The following QTMAN variants were observed in gnomAD, a reference collection of about 807,000 sequenced individuals.
QTMAN encodes the protein tRNA-queuosine alpha-mannosyltransferase.
chr2:144,283,627 G>T, the QTMAN span, among the ~76,000 whole-genome samples: 2 of 152,068 alleles, frequency 1.3e-5, no homozygotes, highest in Admixed American at 6.5e-5. Flanking sequence ...TTGCCAGTGA[G>T]AAGAATTTCA....
At chr2:144,329,444 T>A in the QTMAN span, among the ~76,000 whole-genome samples, 2 of 152,346 alleles carry the variant, frequency 1.3e-5, no homozygotes, top group African/African-American at 4.8e-5. Flanking sequence ...AAAGTTACGT[T>A]CCTTATAAAG....
the QTMAN span, among the ~76,000 whole-genome samples, chr2:144,082,657 AC>A: frequency 7.9e-5 from 12 of 152,212 alleles, no homozygotes; most frequent in African/African-American, 2.9e-4. Context: ...ATTTTGTATA[AC>A]CCTCTTATGT....
At chr2:144,259,991 T>C in the QTMAN span, among the ~76,000 whole-genome samples, 1 of 152,172 alleles carries the variant, frequency 6.6e-6, no homozygotes, top group African/African-American at 2.4e-5. Context: ...AAATTTAATA[T>C]AACTAATAAA....
At chr2:143,963,933 ATGTGAAGATGGCTC>A in the QTMAN span, 16 of 152,242 alleles carry the variant, frequency 1.1e-4, no homozygotes, top group African/African-American at 3.8e-4. Context: ...TCTAAGAATC[ATGTGAAGATGGCTC>A]TGTCTACTGA....
the QTMAN span, among the ~76,000 whole-genome samples, chr2:144,325,754 T>TA: frequency 6.6e-6 from 1 of 152,168 alleles, no homozygotes; most frequent in African/African-American, 2.4e-5. Flanking sequence ...CCACTACCAT[T>TA]AAAAGTATAA....
the QTMAN span, among the ~76,000 whole-genome samples, chr2:143,965,740 T>C: frequency 1.3e-5 from 2 of 152,284 alleles, no homozygotes; most frequent in South Asian, 2.1e-4. Context: ...TCTCCAGACA[T>C]TGCCAAATGT....
the QTMAN span, among the ~76,000 whole-genome samples, chr2:143,956,989 G>T: frequency 6.6e-6 from 1 of 152,060 alleles, no homozygotes; most frequent in Non-Finnish European, 1.5e-5. Context: ...GCCTTTATAC[G>T]ATTGTATGTG....
At chr2:144,246,374 C>T in the QTMAN span, among the ~76,000 whole-genome samples, 5 of 150,322 alleles carry the variant, frequency 3.3e-5, no homozygotes, top group Admixed American at 6.6e-5. Context: ...GAGATCGAGA[C>T]CATCCTGGCT....
At chr2:144,219,866 A>C in the QTMAN span, among the ~76,000 whole-genome samples, 1 of 152,298 alleles carries the variant, frequency 6.6e-6, no homozygotes, top group African/African-American at 2.4e-5. Flanking sequence ...ATCAGTTAAC[A>C]TATTTATTGA....
chr2:144,176,967 A>G, the QTMAN span, among the ~76,000 whole-genome samples: 1 of 152,288 alleles, frequency 6.6e-6, no homozygotes, highest in South Asian at 2.1e-4. Flanking sequence ...CGCAGACGGT[A>G]AAGGGGAAGC....
the QTMAN span, among the ~76,000 whole-genome samples, chr2:144,064,289 C>A: frequency 6.6e-6 from 1 of 152,200 alleles, no homozygotes; most frequent in East Asian, 1.9e-4. Flanking sequence ...TTCATTCATT[C>A]TACATTACCT....
At chr2:144,307,184 C>A in the QTMAN span, among the ~76,000 whole-genome samples, 2,862 of 59,526 alleles carry the variant, frequency 0.048, no homozygotes, top group Middle Eastern at 0.066. Context: ...AAAAAAAAAA[C>A]AATTAAAAAA....
chr2:144,056,100 A>T, the QTMAN span, among the ~76,000 whole-genome samples: 23 of 152,266 alleles, frequency 1.5e-4, no homozygotes, highest in East Asian at 4.4e-3. Context: ...GCTATGCTAT[A>T]TTTTACTATA....
chr2:144,087,502 G>A, the QTMAN span, among the ~76,000 whole-genome samples: 3 of 151,864 alleles, frequency 2.0e-5, no homozygotes, highest in African/African-American at 7.2e-5. Context: ...AAGACACAAT[G>A]ACAACAACAA....
chr2:144,133,332 T>C, the QTMAN span, among the ~76,000 whole-genome samples: 14 of 59,480 alleles, frequency 2.4e-4, 1 homozygote, highest in South Asian at 5.1e-3. Flanking sequence ...TATATACATA[T>C]ATAAATATAT....
the QTMAN span, among the ~76,000 whole-genome samples, chr2:144,028,688 GTTCTTCTACTGGAA>G: frequency 6.6e-6 from 1 of 152,096 alleles, no homozygotes; most frequent in Non-Finnish European, 1.5e-5. Flanking sequence ...AATATATATT[GTTCTTCTACTGGAA>G]AACAATGTGG....
the QTMAN span, among the ~76,000 whole-genome samples, chr2:144,292,059 T>A: frequency 1.3e-5 from 2 of 152,350 alleles, no homozygotes; most frequent in South Asian, 2.1e-4. Flanking sequence ...CCTCTGAGTG[T>A]TAGTTTTTCT....
chr2:144,183,531 A>T, the QTMAN span, among the ~76,000 whole-genome samples: 1 of 152,168 alleles, frequency 6.6e-6, no homozygotes, highest in Non-Finnish European at 1.5e-5. Context: ...ATTTAATTTA[A>T]TTCTGACTAA....
the QTMAN span, among the ~76,000 whole-genome samples, chr2:144,243,961 C>T: frequency 1.3e-4 from 20 of 152,118 alleles, no homozygotes; most frequent in Admixed American, 3.9e-4. Flanking sequence ...GATTTACTGG[C>T]GCTATACCTG....
Sources: gnomAD v4.1 joint callset for allele counts (sites outside exome capture counted in the v4.1 genomes callset) on GRCh38, gnomAD v4.1.1 for gene constraint, MANE v1.5 for transcripts, NCBI Gene and HGNC (gene_info 2026-07-23, HGNC 2026-07-21) for gene names.